The following PDE4DIP variants were observed in gnomAD, a reference collection of about 807,000 sequenced individuals.
PDE4DIP encodes the protein myomegalin.
Under a neutral mutation model 221.4 loss-of-function variants are expected in PDE4DIP, and 59 were observed. The observed-to-expected ratio is 0.27, with a 90% CI of 0.22 to 0.33. The LOEUF is 0.33. Ranked by LOEUF, PDE4DIP falls within the 10% of genes least tolerant of loss-of-function variation. PDE4DIP has a pLI of 1.00. For synonymous variants in PDE4DIP, 404 were observed against 815.9 expected (o/e 0.50, Z 8.60); for missense variants, 1,036 against 2,154.2 (o/e 0.48, Z 10.28).
intron 21 of PDE4DIP, chr1:148,986,519 G>C (rs1346158162): frequency 6.6e-6 from 1 of 152,132 alleles, no homozygotes; most frequent in Non-Finnish European, 1.5e-5. Flanking sequence ...AAAAAGTAGA[G>C]AAAGCTTGTA....
chr1:148,975,090 G>C (rs1185750396), intron 17 of PDE4DIP, among the ~76,000 whole-genome samples: 2 of 144,512 alleles, frequency 1.4e-5, no homozygotes, highest in Non-Finnish European at 3.0e-5. Context: ...AGAATCACTT[G>C]AACCCGGGAG....
At chr1:148,938,098 C>G in intron 5 of PDE4DIP, 1 of 395,776 alleles carries the variant, frequency 2.5e-6, no homozygotes, top group South Asian at 2.9e-5. Flanking sequence ...GTAGACTGGG[C>G]TCTTTTCTCA....
At chr1:148,946,058 C>G (rs1169519727) in intron 5 of PDE4DIP, among the ~76,000 whole-genome samples, 1 of 151,920 alleles carries the variant, frequency 6.6e-6, no homozygotes, top group Non-Finnish European at 1.5e-5. Context: ...AAATGTCACT[C>G]TCTCCTCTTC....
intron 23 of PDE4DIP, among the ~76,000 whole-genome samples, chr1:148,998,776 G>A (rs368894923): frequency 5.4e-5 from 8 of 147,462 alleles, no homozygotes; most frequent in African/African-American, 1.5e-4. Context: ...TCGCTCTGTC[G>A]CCCAGGCTGG....
chr1:148,877,360 A>G (rs1691916538), intron 3 of PDE4DIP, among the ~76,000 whole-genome samples: 1 of 147,542 alleles, frequency 6.8e-6, no homozygotes, highest in Non-Finnish European at 1.5e-5. Flanking sequence ...ATAACTGAGT[A>G]TTATATTTAT....
chr1:148,950,749 C>T lies in PDE4DIP; in HGVS notation c.637-9905C>T, dbSNP rs369433171. Among the ~76,000 whole-genome samples the T allele has an allele frequency of 5.8e-3, 886 of 151,468 alleles. 5 individuals are homozygous for T. The highest frequency in any genetic ancestry group is 0.031 in the Middle Eastern group (9 of 294). On this transcript the variant is annotated intron_variant, in intron 5 of 43. Transcript: ENST00000369354. ...ACAAACCCATGAGGGATCTGCCCCC[C>T]CCACCGCCCCAAACACCTCCCACCA... is the stretch of plus-strand genomic sequence containing the variant.
At chr1:148,912,164 G>A (rs1445082836) in intron 1 of PDE4DIP, among the ~76,000 whole-genome samples, 3 of 145,504 alleles carry the variant, frequency 2.1e-5, no homozygotes, top group Non-Finnish European at 4.5e-5. Context: ...AGTGCAGGAA[G>A]ATTTGTTTCT....
chr1:148,975,624 C>G (rs587672712), intron 17 of PDE4DIP, among the ~76,000 whole-genome samples: 1 of 152,114 alleles, frequency 6.6e-6, no homozygotes, highest in Non-Finnish European at 1.5e-5. Context: ...TTGGAAGAGG[C>G]CTTTCAGCCT....
chr1:148,826,084 C>T (rs1295840976), intron 1 of PDE4DIP, among the ~76,000 whole-genome samples: 1 of 86,742 alleles, frequency 1.2e-5, no homozygotes, highest in Admixed American at 1.2e-4. Context: ...TCCTCTCATC[C>T]TAGTTCCAGC....
At chr1:148,876,379 C>T (rs782538319) in intron 3 of PDE4DIP, among the ~76,000 whole-genome samples, 10 of 34,798 alleles carry the variant, frequency 2.9e-4, no homozygotes, top group Non-Finnish European at 4.4e-4. Context: ...TTTGTAAGTG[C>T]TTACAGTGTG....
chr1:148,897,460 TA>T (rs1239714725), intron 1 of PDE4DIP, among the ~76,000 whole-genome samples: 3 of 124,044 alleles, frequency 2.4e-5, no homozygotes, highest in African/African-American at 1.0e-4. Context: ...TGGCAAATTT[TA>T]TTATATGTAT....
intron 2 of PDE4DIP, 49 bp downstream of exon 5, chr1:148,929,322 A>G: frequency 6.5e-7 from 1 of 1,534,368 alleles, no homozygotes; most frequent in Non-Finnish European, 8.9e-7. Context: ...TGTCTTACTA[A>G]TCTGAGAGCA....
intron 31 of PDE4DIP, 105 bp from the exon 35 acceptor site, chr1:149,012,486 A>G: frequency 3.3e-6 from 2 of 604,396 alleles, no homozygotes; most frequent in Non-Finnish European, 5.8e-6. Context: ...CCGCAGGGTG[A>G]TGTCTGGTCA....
At chr1:148,959,288 G>T in intron 5 of PDE4DIP, among the ~76,000 whole-genome samples, 1 of 148,666 alleles carries the variant, frequency 6.7e-6, no homozygotes, top group East Asian at 2.0e-4. Flanking sequence ...ATTCCTCACA[G>T]TGCCTCACAT....
chr1:148,915,027 A>G (rs2043598938), intron 1 of PDE4DIP, among the ~76,000 whole-genome samples: 2 of 149,190 alleles, frequency 1.3e-5, no homozygotes, highest in Admixed American at 1.3e-4. Flanking sequence ...AGATAGGAGC[A>G]TGGATAGTTG....
chr1:149,000,347 G>A (rs1465452877), intron 23 of PDE4DIP, among the ~76,000 whole-genome samples: 3 of 152,180 alleles, frequency 2.0e-5, no homozygotes, highest in Admixed American at 6.5e-5. Flanking sequence ...CTGAGGTCAG[G>A]AGTTCGAGAC....
chr1:148,975,220 G>T (rs2059928566), intron 17 of PDE4DIP, among the ~76,000 whole-genome samples: 1 of 147,740 alleles, frequency 6.8e-6, no homozygotes, highest in Non-Finnish European at 1.5e-5. Flanking sequence ...GGTGAAAAAA[G>T]GAAGCGCTGT....
intron 3 of PDE4DIP, among the ~76,000 whole-genome samples, chr1:148,881,598 G>T (rs1553424760): frequency 5.0e-5 from 7 of 141,100 alleles, no homozygotes; most frequent in South Asian, 4.4e-4. Flanking sequence ...TTTTTACATA[G>T]ATCCAGGTTG....
At position 149,000,484 on chromosome 1, in the gene PDE4DIP, G is replaced by A. The variant is rs587746217; in HGVS notation, c.3138-1107G>A. ...GCAGCAGAATTGCTTGAACCCAGGGGTGGAGGTTGCAGTGAGCCAAGATCT... is the reference window on the plus strand; with the variant it reads ...GCAGCAGAATTGCTTGAACCCAGGGATGGAGGTTGCAGTGAGCCAAGATCT... On this transcript the variant is annotated intron_variant, in intron 23 of 43. Transcript: ENST00000369354. Among the ~76,000 whole-genome samples the A allele has an allele frequency of 1.2e-3, 182 of 151,880 alleles. 1 individual carries two copies. The highest frequency in any genetic ancestry group is 4.1e-3 in the African/African-American group (168 of 41,448).
Sources: allele counts gnomAD v4.1 joint callset (sites outside exome capture counted in the v4.1 genomes callset), GRCh38; gene constraint gnomAD v4.1.1; transcripts MANE v1.5; gene names NCBI Gene and HGNC (gene_info 2026-07-23, HGNC 2026-07-21).